Variants in ONECUT2 observed in about 807,000 individuals in gnomAD.
The protein encoded by ONECUT2 is one cut domain family member 2.
A neutral mutation model predicts 27.9 loss-of-function variants in ONECUT2; 10 were observed. That is an observed-to-expected ratio of 0.36 (90% confidence interval 0.22 to 0.61). The LOEUF (loss-of-function observed/expected upper bound fraction) is 0.61, where lower values mean the gene tolerates loss of function less well. Ranked by LOEUF, ONECUT2 falls within the 20% of genes least tolerant of loss-of-function variation. The pLI is 0.73. For synonymous variants in ONECUT2, 334 were observed against 315.1 expected (o/e 1.06, Z -0.64); for missense variants, 686 against 721.0 (o/e 0.95, Z 0.56).
At position 57,478,132 on chromosome 18, in the gene ONECUT2, C is replaced by G. The variant is rs1252415285; in HGVS notation, c.*1409C>G. ...CATTCAGCTCTTGCATTTGGCGCATCATCGGGCTGAGCGGACCAGCTACAC... is the reference window on the plus strand; with the variant it reads ...CATTCAGCTCTTGCATTTGGCGCATGATCGGGCTGAGCGGACCAGCTACAC... On this transcript the variant is annotated 3_prime_UTR_variant, in exon 2 of 2. Coordinates refer to ENST00000491143, the MANE Select transcript of ONECUT2 (RefSeq NM_004852.3). The G allele has an allele frequency of 6.5e-6, 1 of 152,678 alleles. No homozygotes were observed. The highest frequency in any genetic ancestry group is 1.5e-5 in the Non-Finnish European group (1 of 68,052). 9.5% of individuals were successfully genotyped at this position (152,678 alleles called of 1,614,324 possible). A position where few individuals can be genotyped will look rare whatever the true frequency, so the allele number is the denominator to read the frequency against.
At chr18:57,457,753 A>G (rs2050267758) in intron 1 of ONECUT2, among the ~76,000 whole-genome samples, 1 of 152,234 alleles carries the variant, frequency 6.6e-6, no homozygotes. Context: ...CTGGATTAAG[A>G]AAATGTGACA....
At chr18:57,444,980 A>ATGTGT (rs2050193685) in intron 1 of ONECUT2, among the ~76,000 whole-genome samples, 5 of 152,230 alleles carry the variant, frequency 3.3e-5, no homozygotes, top group Non-Finnish European at 7.3e-5. Context: ...CATTCTTCTA[A>ATGTGT]AATGACATGC....
intron 1 of ONECUT2, among the ~76,000 whole-genome samples, chr18:57,440,265 A>G (rs950447200): frequency 3.9e-5 from 6 of 151,966 alleles, no homozygotes; most frequent in Admixed American, 2.0e-4. Context: ...TCGAGCACAC[A>G]CTCTCGGGCG....
At chr18:57,465,058 G>A (rs1468028345) in intron 1 of ONECUT2, among the ~76,000 whole-genome samples, 1 of 151,980 alleles carries the variant, frequency 6.6e-6, no homozygotes. Context: ...TAGCATTACC[G>A]CCACAGTGTC....
chr18:57,485,138 G>A lies in ONECUT2; in HGVS notation c.*8415G>A, dbSNP rs1475457075. 6.6e-6 allele frequency: 1 copy of A among 152,158 alleles called. No individual in the cohort carries two copies. The highest frequency in any genetic ancestry group is 1.5e-5 in the Non-Finnish European group (1 of 68,030). The allele number at this position is 152,158 out of a possible 1,614,324, so 9.4% of individuals were successfully genotyped here. A position where few individuals can be genotyped will look rare whatever the true frequency, so the allele number is the denominator to read the frequency against. ...TATAGATAACTTTTTAATTCAGTAG[G>A]AGGAGAAAGTTCATTCTTGGCCTGT... On this transcript the variant is annotated 3_prime_UTR_variant, in exon 2 of 2. Transcript: ENST00000491143.
At chr18:57,459,178 C>T (rs1273223156) in intron 1 of ONECUT2, among the ~76,000 whole-genome samples, 1 of 152,118 alleles carries the variant, frequency 6.6e-6, no homozygotes, top group Non-Finnish European at 1.5e-5. Context: ...TATATGTTGC[C>T]TTCAGGAAAC....
chr18:57,442,185 G>GA (rs1325429458), intron 1 of ONECUT2, among the ~76,000 whole-genome samples: 29 of 147,032 alleles, frequency 2.0e-4, no homozygotes, highest in African/African-American at 3.3e-4. Context: ...GAATTTTATG[G>GA]AAAAAAAATA....
chr18:57,469,883 C>T (rs1339392931), intron 1 of ONECUT2, among the ~76,000 whole-genome samples: 6 of 152,198 alleles, frequency 3.9e-5, no homozygotes, highest in African/African-American at 1.4e-4. Context: ...CTAAGGCTCA[C>T]AGTCCTGCAG....
chr18:57,456,889 T>C (rs2050262387), intron 1 of ONECUT2, among the ~76,000 whole-genome samples: 1 of 151,966 alleles, frequency 6.6e-6, no homozygotes, highest in Non-Finnish European at 1.5e-5. Flanking sequence ...GGTGGGAGGA[T>C]TGCTTGAGCC....
rs537385770 is a variant in ONECUT2 at position 57,483,868 on chromosome 18, T to C, written c.*7145T>C. 2.1e-4 allele frequency: 32 copies of C among 152,780 alleles called. No homozygotes were observed. Among genetic ancestry groups the C allele is most frequent in the African/African-American group, 7.7e-4 (32 of 41,580 alleles). 9.5% of individuals were successfully genotyped at this position (152,780 alleles called of 1,614,324 possible). ...GCCTTCATATTGTAACTTATTTATT[T>C]AACTTATTCAGCATCTGTGAAAGGT... On this transcript the variant is annotated 3_prime_UTR_variant, in exon 2 of 2. Coordinates refer to ENST00000491143, the MANE Select transcript of ONECUT2 (RefSeq NM_004852.3).
At chr18:57,470,381 C>T (rs527771706) in intron 1 of ONECUT2, among the ~76,000 whole-genome samples, 2 of 152,274 alleles carry the variant, frequency 1.3e-5, no homozygotes, top group South Asian at 2.1e-4. Context: ...GGATCCAGTG[C>T]TAATTGAGTC....
intron 1 of ONECUT2, among the ~76,000 whole-genome samples, chr18:57,451,725 C>T (rs1450458501): frequency 1.3e-5 from 2 of 152,052 alleles, no homozygotes; most frequent in East Asian, 1.9e-4. Flanking sequence ...GGGTAAAGGG[C>T]GGAAAATTCA....
chr18:57,466,108 T>C (rs1328012649), intron 1 of ONECUT2, among the ~76,000 whole-genome samples: 1 of 152,176 alleles, frequency 6.6e-6, no homozygotes, highest in Admixed American at 6.5e-5. Context: ...TTTTGTTTTG[T>C]TTTTTTGCCT....
chr18:57,486,232 G>A lies in ONECUT2; in HGVS notation c.*9509G>A, dbSNP rs1398202990. ...TTGCTTGAACCAAAGCAACGATTTA[G>A]CCAGTCTGGACCTCTCTGTGCTTTT... On this transcript the variant is annotated 3_prime_UTR_variant, in exon 2 of 2. Coordinates refer to ENST00000491143, the MANE Select transcript of ONECUT2 (RefSeq NM_004852.3). The A allele has an allele frequency of 3.3e-5, 5 of 152,742 alleles. No homozygotes were observed. In the East Asian group the frequency reaches 9.7e-4, roughly 29 times the overall value. The allele number at this position is 152,742 out of a possible 1,614,324, so 9.5% of individuals were successfully genotyped here.
At chr18:57,437,075 C>T (rs775208652) in intron 1 of ONECUT2, 131 bp downstream of exon 1, 2 of 1,417,482 alleles carry the variant, frequency 1.4e-6, no homozygotes, top group East Asian at 2.5e-5. Flanking sequence ...CGTCCTCTTT[C>T]TTCTCGTTTT....
chr18:57,469,003 G>A (rs1469421088), intron 1 of ONECUT2, among the ~76,000 whole-genome samples: 1 of 152,158 alleles, frequency 6.6e-6, no homozygotes, highest in Non-Finnish European at 1.5e-5. Context: ...GTGAAGGGGG[G>A]TTATTTCCAT....
chr18:57,464,390 CTT>C (rs1272953674), intron 1 of ONECUT2, among the ~76,000 whole-genome samples: 19 of 152,126 alleles, frequency 1.2e-4, no homozygotes. Context: ...CATAGTGGTG[CTT>C]ACACCCCTCA....
intron 1 of ONECUT2, among the ~76,000 whole-genome samples, chr18:57,453,924 C>T (rs1056653014): frequency 6.6e-6 from 1 of 152,122 alleles, no homozygotes; most frequent in East Asian, 1.9e-4. Flanking sequence ...ACAAGCCCTC[C>T]TCATCTTTTA....
intron 1 of ONECUT2, chr18:57,467,346 T>G (rs867014149): frequency 0.025 from 5,609 of 227,194 alleles, 100 homozygotes; most frequent in Non-Finnish European, 0.035. Flanking sequence ...TTTCCTTTGG[T>G]TTTTTTTTTG....
Sources: allele counts gnomAD v4.1 joint callset (sites outside exome capture counted in the v4.1 genomes callset), GRCh38; gene constraint gnomAD v4.1.1; transcripts MANE v1.5; gene names NCBI Gene and HGNC (gene_info 2026-07-23, HGNC 2026-07-21).